Variants in SEC61B observed in about 807,000 individuals in gnomAD.
SEC61B encodes the protein SEC61 translocon subunit beta.
Under a neutral mutation model 12.6 loss-of-function variants are expected in SEC61B, and 7 were observed. The observed-to-expected ratio is 0.55, with a 90% confidence interval of 0.32 to 1.04. The LOEUF is 1.04. SEC61B is among the 50% of genes least tolerant of loss of function. The pLI is 0.05. For missense variants in SEC61B, 107 were observed against 130.1 expected, an observed-to-expected ratio of 0.82 and a Z score of 0.86; for synonymous variants, 54 against 50.1, an observed-to-expected ratio of 1.08 and a Z score of -0.33.
At chr9:99,228,530 G>C (rs1293591801) in intron 3 of SEC61B, among the ~76,000 whole-genome samples, 4 of 152,160 alleles carry the variant, frequency 2.6e-5, no homozygotes, top group Non-Finnish European at 4.4e-5. Context: ...AAGTTCTTAG[G>C]CATTGGAGTG....
At chr9:99,230,232 T>G in intron 3 of SEC61B, 105 bp from the exon 4 acceptor site, 1 of 628,010 alleles carries the variant, frequency 1.6e-6, no homozygotes, top group Non-Finnish European at 2.8e-6. Flanking sequence ...GAACCTTGAG[T>G]GCTGCCCACC....
intron 2 of SEC61B, among the ~76,000 whole-genome samples, chr9:99,224,033 G>A (rs1442531394): frequency 6.6e-6 from 1 of 152,172 alleles, no homozygotes; most frequent in Non-Finnish European, 1.5e-5. Context: ...ACTGAAGGAA[G>A]GAATCAAGCA....
chr9:99,225,537 T>C (rs1347032073), intron 2 of SEC61B, among the ~76,000 whole-genome samples: 1 of 152,154 alleles, frequency 6.6e-6, no homozygotes, highest in Non-Finnish European at 1.5e-5. Context: ...GTGTAACTGG[T>C]TAGTTTTGAA....
At chr9:99,224,308 G>GT (rs1180499850) in intron 2 of SEC61B, among the ~76,000 whole-genome samples, 3 of 152,172 alleles carry the variant, frequency 2.0e-5, no homozygotes, top group African/African-American at 4.8e-5. Context: ...CATGAGGAGT[G>GT]TATCAGGCTG....
chr9:99,229,581 C>T (rs1020468658), intron 3 of SEC61B, among the ~76,000 whole-genome samples: 1 of 152,174 alleles, frequency 6.6e-6, no homozygotes, highest in Non-Finnish European at 1.5e-5. Context: ...CTGGCCTCAG[C>T]CTCTCAAAGT....
At chr9:99,226,812 T>C (rs1305687758) in intron 2 of SEC61B, among the ~76,000 whole-genome samples, 2 of 152,186 alleles carry the variant, frequency 1.3e-5, no homozygotes, top group African/African-American at 4.8e-5. Context: ...TCCTAAGTGC[T>C]GCTAGGCTGC....
At chr9:99,222,447 C>T in intron 1 of SEC61B, 81 bp downstream of exon 1, 29 of 1,608,392 alleles carry the variant, frequency 1.8e-5, no homozygotes, top group South Asian at 5.5e-5. Context: ...TCCTCTGTAG[C>T]TCCCTTGCTT....
chr9:99,227,845 G>A (rs1828916955), intron 2 of SEC61B, 54 bp from the exon 3 acceptor site: 8 of 1,239,714 alleles, frequency 6.5e-6, no homozygotes, highest in Non-Finnish European at 9.4e-6. Context: ...ATGTTATAAT[G>A]CTATTCTAAT....
intron 2 of SEC61B, 37 bp from the exon 3 acceptor site, chr9:99,227,862 C>T: frequency 6.9e-7 from 1 of 1,457,782 alleles, no homozygotes; most frequent in South Asian, 1.2e-5. Flanking sequence ...TAATAATTTC[C>T]AGAAAAGGCC....
intron 1 of SEC61B, 34 bp from the exon 2 acceptor site, chr9:99,222,512 G>C: frequency 3.1e-6 from 5 of 1,600,968 alleles, no homozygotes; most frequent in Non-Finnish European, 4.3e-6. Flanking sequence ...GGCCTGCCGC[G>C]CTCACCCGTC....
chr9:99,228,877 C>T (rs1828929226), intron 3 of SEC61B, among the ~76,000 whole-genome samples: 1 of 152,116 alleles, frequency 6.6e-6, no homozygotes, highest in Non-Finnish European at 1.5e-5. Flanking sequence ...AGACACACAA[C>T]AAGAGGTGGA....
intron 2 of SEC61B, among the ~76,000 whole-genome samples, chr9:99,225,996 G>A (rs1313576131): frequency 6.6e-6 from 1 of 152,230 alleles, no homozygotes; most frequent in African/African-American, 2.4e-5. Flanking sequence ...CAGATGGAAT[G>A]ACATATATCT....
Position 99,230,399 on chromosome 9 carries a change from T to A in SEC61B, c.266T>A (p.Ile89Asn). 1 of 1,610,454 alleles carries A rather than the reference T, an allele frequency of 6.2e-7. No individual in the cohort carries two copies. Among genetic ancestry groups the A allele is most frequent in the Non-Finnish European group, 8.5e-7 (1 of 1,178,150 alleles). Reference protein sequence around the residue: ...LFIASVFMLHIWGKYTRS With the variant: ...LFIASVFMLHNWGKYTRS ...ATCGCTTCTGTATTTATGTTGCACA[T>A]TTGGGGCAAGTACACTCGTTCGTAG... Residue 89 changes from isoleucine (I) to asparagine (N), a missense_variant, in exon 4 of 4, where the codon ATT becomes AAT. Physicochemically the swap from Ile to Asn is moderately radical, Grantham distance 149. Transcript: ENST00000223641.
Position 99,230,401 on chromosome 9 carries a change from T to A in SEC61B, c.268T>A (p.Trp90Arg). Residue 90 changes from tryptophan (W) to arginine (R), a missense_variant, in exon 4 of 4, where the codon TGG becomes AGG. Physicochemically the swap from Trp to Arg is moderately radical, Grantham distance 101 (BLOSUM62 -3). Transcript: ENST00000223641. Reference protein sequence around the residue: ...FIASVFMLHIWGKYTRS With the variant: ...FIASVFMLHIRGKYTRS Reference sequence around the variant, plus strand: ...CGCTTCTGTATTTATGTTGCACATTTGGGGCAAGTACACTCGTTCGTAGAT... The same window carrying A: ...CGCTTCTGTATTTATGTTGCACATTAGGGGCAAGTACACTCGTTCGTAGAT... 1 of 1,610,218 alleles carries A rather than the reference T, an allele frequency of 6.2e-7. No individual in the cohort carries two copies. The highest frequency in any genetic ancestry group is 8.5e-7 in the Non-Finnish European group (1 of 1,177,958).
Position 99,222,313 on chromosome 9 carries a change from C to T in SEC61B, c.-51C>T, listed in dbSNP as rs376535304. On this transcript the variant is annotated 5_prime_UTR_variant, in exon 1 of 4. Coordinates refer to ENST00000223641, the MANE Select transcript of SEC61B (RefSeq NM_006808.3). ...GCCAGCTGCCGGTCTTTCGGGGGCT[C>T]CGTAACTTTCTATCCGTCCGCGTCA... is the stretch of plus-strand genomic sequence containing the variant. The T allele has an allele frequency of 3.4e-5, 55 of 1,614,048 alleles. No homozygotes were observed. In the East Asian group the frequency reaches 8.0e-4, roughly 24 times the overall value.
At chr9:99,223,350 G>A (rs1226878247) in intron 2 of SEC61B, among the ~76,000 whole-genome samples, 3 of 151,052 alleles carry the variant, frequency 2.0e-5, no homozygotes, top group Non-Finnish European at 4.4e-5. Flanking sequence ...AAAAACCGGG[G>A]GGATACCAAA....
intron 3 of SEC61B, among the ~76,000 whole-genome samples, chr9:99,228,245 AAAAT>A (rs1379518204): frequency 6.6e-6 from 1 of 152,242 alleles, no homozygotes; most frequent in Non-Finnish European, 1.5e-5. Context: ...GAGCTATGTC[AAAAT>A]AAATGAGAAC....
intron 2 of SEC61B, among the ~76,000 whole-genome samples, chr9:99,226,534 T>C (rs1467902546): frequency 2.6e-5 from 4 of 152,200 alleles, no homozygotes; most frequent in Non-Finnish European, 5.9e-5. Context: ...TGCTGAATGG[T>C]GCAGGCAGCA....
chr9:99,227,265 CAAAAAAAAAAAA>C (rs59719935), intron 2 of SEC61B, among the ~76,000 whole-genome samples: 29 of 10,740 alleles, frequency 2.7e-3, no homozygotes, highest in African/African-American at 8.4e-3. Context: ...AACTCCATCT[CAAAAAAAAAAAA>C]AAAAAAAAAA....
Sources: gnomAD v4.1 joint callset for allele counts (sites outside exome capture counted in the v4.1 genomes callset) on GRCh38, gnomAD v4.1.1 for gene constraint, MANE v1.5 for transcripts, NCBI Gene and HGNC (gene_info 2026-07-23, HGNC 2026-07-21) for gene names.